PHF24: variants seen among roughly 807,000 people sequenced by gnomAD.
PHF24 encodes PHD finger protein 24, also known as Galpha inhibitory interacting protein.
PHF24 carries 25 observed loss-of-function variants against 42.6 expected under a neutral mutation model. The ratio of observed to expected loss-of-function variants is 0.59; its 90% CI spans 0.43 to 0.82. PHF24 has a LOEUF of 0.82. PHF24 is among the 40% of genes least tolerant of loss of function. The pLI is 0.00. For missense variants in PHF24, 470 were observed against 538.1 expected (o/e 0.87, Z 1.25); for synonymous variants, 185 against 204.8 (o/e 0.90, Z 0.83).
chr9:34,896,239 A>G, the PHF24 span, among the ~76,000 whole-genome samples: 1 of 152,242 alleles, frequency 6.6e-6, no homozygotes, highest in Admixed American at 6.5e-5. Context: ...GGCAAGCATC[A>G]TATTGTTAAA....
At chr9:34,883,352 A>G in the PHF24 span, among the ~76,000 whole-genome samples, 3 of 152,346 alleles carry the variant, frequency 2.0e-5, no homozygotes, top group East Asian at 3.9e-4. Flanking sequence ...ACAAAAGCCA[A>G]AATTGACAAA....
chr9:34,735,912 G>A, the PHF24 span, among the ~76,000 whole-genome samples: 1 of 152,160 alleles, frequency 6.6e-6, no homozygotes, highest in South Asian at 2.1e-4. Context: ...TATGTTAAAC[G>A]ATCTAGTGGA....
At chr9:34,876,829 T>C in the PHF24 span, among the ~76,000 whole-genome samples, 622 of 152,258 alleles carry the variant, frequency 4.1e-3, 6 homozygotes, top group Admixed American at 0.03. Context: ...CCTGGGTATA[T>C]ACCCAAAGGA....
chr9:34,929,503 A>T, the PHF24 span, among the ~76,000 whole-genome samples: 6 of 152,222 alleles, frequency 3.9e-5, no homozygotes, highest in Non-Finnish European at 8.8e-5. Context: ...TTACTCAATA[A>T]ATATTTGTGG....
the PHF24 span, among the ~76,000 whole-genome samples, chr9:34,704,703 G>A: frequency 6.6e-6 from 1 of 152,096 alleles, no homozygotes; most frequent in South Asian, 2.1e-4. Flanking sequence ...GGGTGTGGTG[G>A]TGTGTGCCTG....
At chr9:34,708,386 T>A in the PHF24 span, among the ~76,000 whole-genome samples, 1 of 151,858 alleles carries the variant, frequency 6.6e-6, no homozygotes, top group Non-Finnish European at 1.5e-5. Flanking sequence ...GGGGCCCAGA[T>A]AGGAATAGAA....
the PHF24 span, chr9:34,723,300 A>G: frequency 2.5e-5 from 39 of 1,551,476 alleles, no homozygotes; most frequent in Non-Finnish European, 3.1e-5. Flanking sequence ...TGGCGGGGGT[A>G]GCCCAGGGCT....
At chr9:34,870,991 G>A in the PHF24 span, among the ~76,000 whole-genome samples, 3 of 152,132 alleles carry the variant, frequency 2.0e-5, no homozygotes, top group South Asian at 6.2e-4. Context: ...GGATCATATG[G>A]CAAGAATATA....
chr9:34,764,386 G>A, the PHF24 span, among the ~76,000 whole-genome samples: 1 of 152,364 alleles, frequency 6.6e-6, no homozygotes, highest in Non-Finnish European at 1.5e-5. Context: ...GCCTGTTATT[G>A]GTCTATTCAG....
the PHF24 span, among the ~76,000 whole-genome samples, chr9:34,670,799 A>C: frequency 2.6e-5 from 4 of 152,064 alleles, no homozygotes; most frequent in African/African-American, 9.7e-5. Context: ...CTGTAGTACT[A>C]AGATACCTGG....
chr9:34,910,184 A>T, the PHF24 span, among the ~76,000 whole-genome samples: 7 of 152,208 alleles, frequency 4.6e-5, no homozygotes, highest in Non-Finnish European at 8.8e-5. Flanking sequence ...TTGAAGAAGG[A>T]ATATAATTAG....
chr9:34,683,308 G>A, the PHF24 span, among the ~76,000 whole-genome samples: 1 of 152,210 alleles, frequency 6.6e-6, no homozygotes, highest in Admixed American at 6.5e-5. Flanking sequence ...TGATCCACCC[G>A]CCTTGGCCTC....
At chr9:34,801,160 C>G in the PHF24 span, among the ~76,000 whole-genome samples, 1 of 152,166 alleles carries the variant, frequency 6.6e-6, no homozygotes, top group Non-Finnish European at 1.5e-5. Flanking sequence ...AGTCAGGAAA[C>G]AACAGATGCT....
chr9:34,723,261 A>C, the PHF24 span: 41 of 1,551,698 alleles, frequency 2.6e-5, no homozygotes, highest in East Asian at 8.6e-4. Flanking sequence ...TTGTTGGCAC[A>C]AGCCTCTCGA....
chr9:34,832,686 A>G, the PHF24 span: 2 of 1,543,254 alleles, frequency 1.3e-6, no homozygotes, highest in Admixed American at 3.9e-5. Flanking sequence ...AGACTCTGTA[A>G]GGCTGGGCTT....
chr9:34,710,147 G>T, the PHF24 span: 1 of 1,090,634 alleles, frequency 9.2e-7, no homozygotes, highest in Middle Eastern at 2.1e-4. Flanking sequence ...GCGTGGGCTG[G>T]GATTGGCCTG....
At chr9:34,726,045 A>C in the PHF24 span, 1 of 1,524,428 alleles carries the variant, frequency 6.6e-7, no homozygotes, top group Admixed American at 2.0e-5. Context: ...GGAGAGGGCA[A>C]GGCTAGAGCC....
At chr9:34,724,454 G>A in the PHF24 span, 1 of 1,551,598 alleles carries the variant, frequency 6.4e-7, no homozygotes, top group South Asian at 1.2e-5. Flanking sequence ...ACTTTCAAGA[G>A]ACTTCTGTGT....
At chr9:34,745,070 A>T in the PHF24 span, among the ~76,000 whole-genome samples, 13,241 of 152,154 alleles carry the variant, frequency 0.087, 1,679 homozygotes, top group African/African-American at 0.28. Context: ...ATGCTAAAGG[A>T]GTGCAGGGGT....
Sources: gnomAD v4.1 joint callset for allele counts (sites outside exome capture counted in the v4.1 genomes callset) on GRCh38, gnomAD v4.1.1 for gene constraint, MANE v1.5 for transcripts, NCBI Gene and HGNC (gene_info 2026-07-23, HGNC 2026-07-21) for gene names.